Variants in SGCZ observed in about 807,000 individuals in gnomAD.
The protein encoded by SGCZ is sarcoglycan zeta.
A neutral mutation model predicts 41.3 loss-of-function variants in SGCZ; 40 were observed. That is an observed-to-expected ratio of 0.97 (90% confidence interval 0.75 to 1.26). SGCZ has a LOEUF of 1.26. Among genes scored for constraint, SGCZ ranks in the 50% most tolerant of loss-of-function variants. The pLI is 0.00. For synonymous variants in SGCZ, 206 were observed against 137.5 expected, an observed-to-expected ratio of 1.50 and a Z score of -3.49; for missense variants, 552 against 369.8, an observed-to-expected ratio of 1.49 and a Z score of -4.04.
At chr8:14,248,126 A>G (rs1213743926) in intron 3 of SGCZ, among the ~76,000 whole-genome samples, 2 of 152,178 alleles carry the variant, frequency 1.3e-5, no homozygotes, top group Admixed American at 6.5e-5. Context: ...ATTTTCTAGA[A>G]TTCTAGAATG....
chr8:14,411,742 A>G (rs184194592), intron 2 of SGCZ, among the ~76,000 whole-genome samples: 1 of 152,236 alleles, frequency 6.6e-6, no homozygotes, highest in East Asian at 1.9e-4. Context: ...TTCCATGATT[A>G]TATATAAAGA....
At chr8:14,763,276 C>T (rs1049074345) in intron 1 of SGCZ, among the ~76,000 whole-genome samples, 4 of 152,114 alleles carry the variant, frequency 2.6e-5, no homozygotes, top group African/African-American at 9.7e-5. Context: ...ATTGCAGCCA[C>T]ACTTTACACC....
At chr8:14,843,725 C>T (rs564876150) in intron 1 of SGCZ, among the ~76,000 whole-genome samples, 2 of 152,062 alleles carry the variant, frequency 1.3e-5, no homozygotes, top group South Asian at 2.1e-4. Flanking sequence ...GATGAATAAA[C>T]GTGGTCTTTA....
At chr8:14,688,074 A>G (rs1808676201) in intron 1 of SGCZ, among the ~76,000 whole-genome samples, 2 of 152,066 alleles carry the variant, frequency 1.3e-5, no homozygotes, top group Admixed American at 6.5e-5. Flanking sequence ...GTTTGAGTCC[A>G]TTGTAGATTT....
At chr8:15,143,709 G>A (rs1385448564) in intron 1 of SGCZ, among the ~76,000 whole-genome samples, 1 of 151,626 alleles carries the variant, frequency 6.6e-6, no homozygotes, top group Non-Finnish European at 1.5e-5. Context: ...GTAAGGTAGT[G>A]TTTCCTTATA....
intron 1 of SGCZ, among the ~76,000 whole-genome samples, chr8:14,614,206 T>G (rs916239447): frequency 3.3e-5 from 5 of 152,192 alleles, no homozygotes; most frequent in Non-Finnish European, 5.9e-5. Context: ...CTTGAACCTT[T>G]AGAACCGAAA....
intron 1 of SGCZ, among the ~76,000 whole-genome samples, chr8:14,659,558 G>T (rs552943808): frequency 1.3e-5 from 2 of 152,056 alleles, no homozygotes; most frequent in African/African-American, 4.8e-5. Flanking sequence ...CCAAATACAC[G>T]TAATGGCAAA....
At chr8:14,827,181 T>C (rs1273178448) in intron 1 of SGCZ, among the ~76,000 whole-genome samples, 3 of 150,702 alleles carry the variant, frequency 2.0e-5, no homozygotes, top group South Asian at 4.2e-4. Flanking sequence ...AAAAACAGAC[T>C]CCAATGTGCC....
chr8:14,954,489 G>C (rs934307248), intron 1 of SGCZ, among the ~76,000 whole-genome samples: 1 of 152,142 alleles, frequency 6.6e-6, no homozygotes, highest in African/African-American at 2.4e-5. Flanking sequence ...ACCAGTAAAA[G>C]ATGGCAAAGT....
chr8:14,421,063 C>A (rs1799624028), intron 2 of SGCZ, among the ~76,000 whole-genome samples: 1 of 152,048 alleles, frequency 6.6e-6, no homozygotes, highest in Admixed American at 6.6e-5. Flanking sequence ...TTCTAAACTA[C>A]TCTGAAATGT....
At chr8:14,782,858 T>C (rs915791659) in intron 1 of SGCZ, among the ~76,000 whole-genome samples, 2 of 152,216 alleles carry the variant, frequency 1.3e-5, no homozygotes, top group Non-Finnish European at 2.9e-5. Context: ...AATCAAATCA[T>C]GCATATGCTT....
intron 1 of SGCZ, among the ~76,000 whole-genome samples, chr8:14,640,618 A>T (rs1018955298): frequency 4.6e-5 from 7 of 150,646 alleles, no homozygotes; most frequent in African/African-American, 1.7e-4. Flanking sequence ...ATATATATAT[A>T]CACACATATA....
intron 1 of SGCZ, among the ~76,000 whole-genome samples, chr8:15,057,642 G>C (rs979165829): frequency 2.0e-5 from 3 of 152,074 alleles, no homozygotes; most frequent in Non-Finnish European, 4.4e-5. Context: ...ACTAAAAGAA[G>C]AAATTCATTC....
intron 2 of SGCZ, among the ~76,000 whole-genome samples, chr8:14,325,745 CACAT>C (rs1294247258): frequency 5.9e-4 from 15 of 25,508 alleles, no homozygotes; most frequent in East Asian, 3.8e-3. Flanking sequence ...CACACACACA[CACAT>C]ATATATATAT....
At chr8:14,500,462 T>C (rs1365132331) in intron 2 of SGCZ, among the ~76,000 whole-genome samples, 1 of 151,804 alleles carries the variant, frequency 6.6e-6, no homozygotes. Flanking sequence ...TTACTATTCA[T>C]TAGAGAATGC....
intron 1 of SGCZ, among the ~76,000 whole-genome samples, chr8:14,910,188 TCTTCC>T (rs1799242222): frequency 2.0e-5 from 2 of 98,568 alleles, no homozygotes; most frequent in South Asian, 7.0e-4. Context: ...CAGTAACATA[TCTTCC>T]ATCTACTCAT....
intron 2 of SGCZ, among the ~76,000 whole-genome samples, chr8:14,448,179 G>C (rs1314880444): frequency 6.6e-6 from 1 of 152,212 alleles, no homozygotes; most frequent in Non-Finnish European, 1.5e-5. Context: ...AAACGCTCTT[G>C]CTACTAAAAG....
intron 1 of SGCZ, among the ~76,000 whole-genome samples, chr8:15,047,804 A>T (rs1935293528): frequency 6.6e-6 from 1 of 152,076 alleles, no homozygotes. Context: ...TACCGCAGTT[A>T]AAGTGGCTAT....
At chr8:14,273,902 T>G (rs1180896245) in intron 3 of SGCZ, among the ~76,000 whole-genome samples, 1 of 152,164 alleles carries the variant, frequency 6.6e-6, no homozygotes, top group Non-Finnish European at 1.5e-5. Flanking sequence ...TAAAAAATGT[T>G]TACGTTGTTT....
Sources: allele counts gnomAD v4.1 joint callset (sites outside exome capture counted in the v4.1 genomes callset), GRCh38; gene constraint gnomAD v4.1.1; transcripts MANE v1.5; gene names NCBI Gene and HGNC (gene_info 2026-07-23, HGNC 2026-07-21).